PTPRD: variants seen among roughly 807,000 people sequenced by gnomAD.
PTPRD encodes protein tyrosine phosphatase receptor type D.
In PTPRD, 34 loss-of-function variants were observed where a neutral mutation model predicts 214.5. That is an observed-to-expected ratio of 0.16 (90% CI 0.12 to 0.21). The LOEUF is 0.21. Ranked by LOEUF, PTPRD falls within the 10% of genes least tolerant of loss-of-function variation. The probability of loss-of-function intolerance (pLI) is 1.00; values close to 1 mark genes in which losing one functional copy is unlikely to be tolerated. For synonymous variants in PTPRD, 1,128 were observed against 845.7 expected, an observed-to-expected ratio of 1.33 and a Z score of -5.79; for missense variants, 2,545 against 2,398.7, an observed-to-expected ratio of 1.06 and a Z score of -1.27.
At chr9:10,523,618 T>G (rs773075468) in intron 2 of PTPRD, among the ~76,000 whole-genome samples, 2,531 of 116,154 alleles carry the variant, frequency 0.022, 136 homozygotes, top group African/African-American at 0.041. Flanking sequence ...TATATATATA[T>G]ATATAGACAG....
intron 10 of PTPRD, among the ~76,000 whole-genome samples, chr9:9,088,416 C>T (rs550878984): frequency 6.6e-6 from 1 of 150,712 alleles, no homozygotes; most frequent in East Asian, 2.0e-4. Context: ...CCTGTCTCTA[C>T]AAAAAATATA....
chr9:9,106,612 CAAAAAAAAA>C (rs5896301), intron 10 of PTPRD, among the ~76,000 whole-genome samples: 3 of 71,656 alleles, frequency 4.2e-5, no homozygotes, highest in East Asian at 5.4e-4. Flanking sequence ...ATTCCATAGG[CAAAAAAAAA>C]AAAAAAAAAA....
intron 9 of PTPRD, among the ~76,000 whole-genome samples, chr9:9,203,579 A>G (rs1036541095): frequency 1.3e-5 from 2 of 151,960 alleles, no homozygotes; most frequent in Non-Finnish European, 2.9e-5. Context: ...TCGGGTTCTT[A>G]TTGCATCTTT....
chr9:8,648,608 C>A (rs564247529), intron 12 of PTPRD, among the ~76,000 whole-genome samples: 4 of 152,328 alleles, frequency 2.6e-5, no homozygotes, highest in African/African-American at 9.6e-5. Flanking sequence ...ATTCAAAATA[C>A]TCAGACTGTG....
intron 6 of PTPRD, among the ~76,000 whole-genome samples, chr9:9,734,775 C>G (rs1263783517): frequency 6.6e-6 from 1 of 151,752 alleles, no homozygotes; most frequent in Non-Finnish European, 1.5e-5. Flanking sequence ...GCCATTAAAA[C>G]AAAGGAAAAA....
chr9:9,184,770 G>A (rs969392949), intron 9 of PTPRD, among the ~76,000 whole-genome samples: 1 of 151,974 alleles, frequency 6.6e-6, no homozygotes, highest in African/African-American at 2.4e-5. Flanking sequence ...ACAGAAAATA[G>A]CATATACTTA....
At chr9:9,897,131 T>TACACACACAC (rs60964311) in intron 5 of PTPRD, among the ~76,000 whole-genome samples, 1,829 of 148,968 alleles carry the variant, frequency 0.012, 33 homozygotes, top group African/African-American at 0.036. Flanking sequence ...CTCTTACACT[T>TACACACACAC]ACACACACAC....
At chr9:10,410,292 AATAT>A (rs1169343374) in intron 2 of PTPRD, among the ~76,000 whole-genome samples, 1 of 126,256 alleles carries the variant, frequency 7.9e-6, no homozygotes, top group African/African-American at 2.6e-5. Context: ...CACAATATAT[AATAT>A]ATATAATATA....
chr9:9,593,584 A>C (rs2092984007), intron 7 of PTPRD, among the ~76,000 whole-genome samples: 1 of 152,006 alleles, frequency 6.6e-6, no homozygotes, highest in African/African-American at 2.4e-5. Context: ...GTTGGAGAAC[A>C]AATGTCAAGT....
chr9:10,327,395 A>T (rs542187165), intron 3 of PTPRD, among the ~76,000 whole-genome samples: 1 of 151,680 alleles, frequency 6.6e-6, no homozygotes, highest in Admixed American at 6.6e-5. Context: ...CATAAAATGT[A>T]TGTGTTTCCA....
intron 5 of PTPRD, among the ~76,000 whole-genome samples, chr9:9,857,078 CG>C (rs1236036207): frequency 6.6e-6 from 1 of 152,070 alleles, no homozygotes; most frequent in Admixed American, 6.5e-5. Flanking sequence ...GTGCGGGCCC[CG>C]GGGCAGCATA....
chr9:9,726,190 C>G (rs577243743), intron 7 of PTPRD, among the ~76,000 whole-genome samples: 62 of 152,206 alleles, frequency 4.1e-4, no homozygotes, highest in African/African-American at 1.4e-3. Context: ...GTCTCAGAAC[C>G]TCCTCGGTTA....
At chr9:9,340,566 C>G (rs148959101) in intron 9 of PTPRD, among the ~76,000 whole-genome samples, 60 of 152,300 alleles carry the variant, frequency 3.9e-4, no homozygotes, top group Middle Eastern at 3.4e-3. Flanking sequence ...ATATTAATTA[C>G]TGCTACAGAC....
chr9:8,605,708 T>C (rs1375683601), intron 14 of PTPRD, among the ~76,000 whole-genome samples: 3 of 152,218 alleles, frequency 2.0e-5, no homozygotes, highest in Non-Finnish European at 4.4e-5. Context: ...TGATGTGACA[T>C]CAGTGCACGT....
chr9:8,818,052 TAG>T (rs1566319651), intron 11 of PTPRD, among the ~76,000 whole-genome samples: 1 of 152,222 alleles, frequency 6.6e-6, no homozygotes, highest in Non-Finnish European at 1.5e-5. Context: ...GCATTTTAGA[TAG>T]AGTTAAATTG....
rs2132220202 is a variant in PTPRD at position 8,338,935 on chromosome 9, A to G, written c.5366T>C (p.Val1789Ala). ...MPQYILREFK[V>A]TDARDGQSRT... is the part of the protein sequence containing the mutation. ...GTGCCAACTTACCCTGGCATCTGTG[A>G]CCTTGAATTCCCTTAGGATATACTG... Residue 1789 changes from valine (V) to alanine (A), a missense_variant, in exon 43 of 46, where the codon GTC becomes GCC. Val to Ala is a moderately conservative substitution (Grantham distance 64). Coordinates refer to ENST00000381196, the MANE Select transcript of PTPRD (RefSeq NM_002839.4). 1 of 1,610,264 alleles carries G rather than the reference A, an allele frequency of 6.2e-7. No individual in the cohort carries two copies. Among genetic ancestry groups the G allele is most frequent in the East Asian group, 2.2e-5 (1 of 44,776 alleles).
At chr9:8,989,075 G>GC (rs1230194973) in intron 11 of PTPRD, among the ~76,000 whole-genome samples, 1 of 151,860 alleles carries the variant, frequency 6.6e-6, no homozygotes, top group Non-Finnish European at 1.5e-5. Flanking sequence ...CTATGTCTCA[G>GC]TTTTTTTATT....
chr9:9,147,506 T>G (rs2099870687), intron 10 of PTPRD, among the ~76,000 whole-genome samples: 1 of 152,148 alleles, frequency 6.6e-6, no homozygotes, highest in South Asian at 2.1e-4. Context: ...GTTAAGAATG[T>G]TTTTTACATT....
At chr9:8,565,303 C>CT (rs1324432202) in intron 14 of PTPRD, among the ~76,000 whole-genome samples, 2 of 152,088 alleles carry the variant, frequency 1.3e-5, no homozygotes, top group Non-Finnish European at 2.9e-5. Context: ...TAAATTTGAC[C>CT]TTTTTTTCCC....
Sources: allele counts gnomAD v4.1 joint callset (sites outside exome capture counted in the v4.1 genomes callset), GRCh38; gene constraint gnomAD v4.1.1; transcripts MANE v1.5; gene names NCBI Gene and HGNC (gene_info 2026-07-23, HGNC 2026-07-21).